Variants in CFAP58 observed in about 807,000 individuals in gnomAD.
CFAP58 encodes cilia- and flagella-associated protein 58.
A neutral mutation model predicts 119.5 loss-of-function variants in CFAP58; 88 were observed. The observed-to-expected ratio is 0.74, with a 90% CI of 0.62 to 0.88. The LOEUF (loss-of-function observed/expected upper bound fraction) is 0.88. Among genes scored for constraint, CFAP58 ranks in the 40% least tolerant of loss-of-function variants. CFAP58 has a pLI of 0.00. For synonymous variants in CFAP58, 365 were observed against 366.3 expected, an observed-to-expected ratio of 1.00 and a Z score of 0.04; for missense variants, 990 against 1,021.2, an observed-to-expected ratio of 0.97 and a Z score of 0.42.
chr10:104,388,298 G>T (rs184319347), intron 9 of CFAP58, among the ~76,000 whole-genome samples: 1 of 152,234 alleles, frequency 6.6e-6, no homozygotes, highest in Non-Finnish European at 1.5e-5. Flanking sequence ...TAATTTGTTA[G>T]CATTTATTAA....
chr10:104,365,961 A>G lies in CFAP58; in HGVS notation c.745A>G (p.Ser249Gly), dbSNP rs755470377. 6.2e-7 allele frequency: 1 copy of G among 1,608,510 alleles called. No homozygotes were observed. Among genetic ancestry groups the G allele is most frequent in the Non-Finnish European group, 8.5e-7 (1 of 1,177,242 alleles). ...IKALQQYVQK[S>G]KEELQKLEQQ... is the part of the protein sequence containing the mutation. ...AGCCCTGCAGCAGTATGTGCAGAAG[A>G]GCAAGGAGGAGCTTCAGAAGCTGGA... The change falls in exon 5 of 18, where the codon AGC becomes GGC. Residue 249 changes from serine to glycine, a missense_variant. Transcript: ENST00000369704.
the CFAP58 span, among the ~76,000 whole-genome samples, chr10:104,346,523 A>AT: frequency 1.8e-3 from 269 of 150,070 alleles, no homozygotes; most frequent in South Asian, 4.2e-3. Context: ...CATTAAAAAA[A>AT]TTTTTTTTTG....
At position 104,366,462 on chromosome 10, in the gene CFAP58, C is replaced by G. The variant is rs184428768; in HGVS notation, c.792+454C>G. 4.6e-5 allele frequency among the ~76,000 whole-genome samples: 7 copies of G among 152,236 alleles called. No homozygotes were observed. In the East Asian group the frequency reaches 1.4e-3, roughly 29 times the overall value. On this transcript the variant is annotated intron_variant, in intron 5 of 17. Transcript: ENST00000369704. ...CTAAGCAGAGTTTGGTTTCGCCTGT[C>G]TTTATACTTTACAGAAATAAAATAT...
At chr10:104,353,800 G>A, upstream of CFAP58, 1 of 1,462,492 alleles carries the variant, frequency 6.8e-7, no homozygotes, top group Non-Finnish European at 9.4e-7. Flanking sequence ...GCGGGCGATA[G>A]AGACAGCGCG....
In CFAP58 at chr10:104,450,005, G is replaced by A; in HGVS notation, c.2377-66G>A. The A allele has an allele frequency of 2.7e-6, 4 of 1,497,150 alleles. No homozygotes were observed. In the South Asian group the frequency reaches 5.1e-5, roughly 19 times the overall value. The allele number at this position is 1,497,150 out of a possible 1,614,324, so 92.7% of individuals were successfully genotyped here. On this transcript the variant is annotated intron_variant, in intron 16 of 17. Transcript: ENST00000369704. ...AGCTCCACTGCGGTAAATGGTAGCAGATTAAAAGATTTCTCAGAAAAGGAT... is the reference window on the plus strand; with the variant it reads ...AGCTCCACTGCGGTAAATGGTAGCAAATTAAAAGATTTCTCAGAAAAGGAT...
At chr10:104,416,161 T>C (rs1220133336) in intron 15 of CFAP58, among the ~76,000 whole-genome samples, 2 of 152,192 alleles carry the variant, frequency 1.3e-5, no homozygotes, top group African/African-American at 4.8e-5. Flanking sequence ...TTTCCCTTCA[T>C]GTGTGGAAGT....
At chr10:104,383,660 T>C (rs76336350) in intron 9 of CFAP58, among the ~76,000 whole-genome samples, 7,195 of 152,282 alleles carry the variant, frequency 0.047, 197 homozygotes, top group South Asian at 0.074. Flanking sequence ...ACAGCATGTA[T>C]CAGTTGCTAC....
chr10:104,344,387 G>A, the CFAP58 span, among the ~76,000 whole-genome samples: 55 of 152,286 alleles, frequency 3.6e-4, 1 homozygote, highest in East Asian at 9.4e-3. Flanking sequence ...ATGGCTGTCA[G>A]GCCCAATCCA....
chr10:104,432,208 A>G (rs2012859959), intron 15 of CFAP58, among the ~76,000 whole-genome samples: 1 of 152,258 alleles, frequency 6.6e-6, no homozygotes, highest in Admixed American at 6.5e-5. Flanking sequence ...AAGAAAAAAA[A>G]TAGGAATAAC....
chr10:104,420,355 T>A (rs2012635630), intron 15 of CFAP58, among the ~76,000 whole-genome samples: 4 of 152,200 alleles, frequency 2.6e-5, no homozygotes, highest in South Asian at 2.1e-4. Flanking sequence ...TAAGCTCGAT[T>A]AGGCAGATAG....
chr10:104,368,384 G>C, intron 5 of CFAP58, 39 bp from the exon 6 acceptor site: 6 of 1,608,046 alleles, frequency 3.7e-6, no homozygotes, highest in Non-Finnish European at 5.1e-6. Context: ...ATTGTAATCA[G>C]ATTAAAAAGC....
chr10:104,417,011 G>C (rs1052239254), intron 15 of CFAP58, among the ~76,000 whole-genome samples: 2 of 152,208 alleles, frequency 1.3e-5, no homozygotes, highest in African/African-American at 4.8e-5. Flanking sequence ...GCATCTCTGA[G>C]AGCTCTTTAG....
intron 15 of CFAP58, among the ~76,000 whole-genome samples, chr10:104,407,897 A>G (rs766996951): frequency 3.3e-5 from 5 of 152,142 alleles, no homozygotes; most frequent in Non-Finnish European, 7.4e-5. Context: ...GGGTTTCACC[A>G]TGTTGGCCAG....
chr10:104,419,719 TAGAC>T (rs1382058304), intron 15 of CFAP58, among the ~76,000 whole-genome samples: 1 of 152,236 alleles, frequency 6.6e-6, no homozygotes, highest in Non-Finnish European at 1.5e-5. Flanking sequence ...GTTGCTTTGT[TAGAC>T]AGGGATAATC....
At chr10:104,357,868 CACATATATGT>C (rs1363282896) in intron 1 of CFAP58, among the ~76,000 whole-genome samples, 2 of 115,278 alleles carry the variant, frequency 1.7e-5, no homozygotes, top group East Asian at 2.2e-4. Context: ...CACATATATA[CACATATATGT>C]ACACATATAT....
At chr10:104,422,635 A>G (rs1458241153) in intron 15 of CFAP58, among the ~76,000 whole-genome samples, 1 of 152,202 alleles carries the variant, frequency 6.6e-6, no homozygotes, top group Non-Finnish European at 1.5e-5. Context: ...TGGTGCTGGC[A>G]GTTGGCGAGA....
Position 104,400,697 on chromosome 10 carries a change from T to G in CFAP58, c.1833T>G (p.Asp611Glu). The change falls in exon 13 of 18, where the codon GAT (aspartate) becomes GAG (glutamate). Residue 611 changes from aspartate (D) to glutamate (E), a missense_variant. Physicochemically the swap from Asp to Glu is conservative, Grantham distance 45. Transcript: ENST00000369704. ...CTTCCTAGGTCATCAGTGAGAGAGA[T>G]ATCCTGGGGTCTCAGCTTGTTCGGC... Reference protein sequence around the residue: ...KELDQVISERDILGSQLVRRN... With the variant: ...KELDQVISEREILGSQLVRRN... 13 of 1,613,946 alleles carry G rather than the reference T, an allele frequency of 8.1e-6. No individual in the cohort carries two copies. Among genetic ancestry groups the G allele is most frequent in the Non-Finnish European group, 1.1e-5 (13 of 1,180,006 alleles).
At chr10:104,401,804 CAGTACAAATTCATTGT>C (rs535750767) in intron 13 of CFAP58, among the ~76,000 whole-genome samples, 127 of 151,444 alleles carry the variant, frequency 8.4e-4, no homozygotes, top group African/African-American at 3.0e-3. Flanking sequence ...ATGACGAAAG[CAGTACAAATTCATTGT>C]AGAAAATGTG....
chr10:104,418,103 G>A (rs898851174), intron 15 of CFAP58, among the ~76,000 whole-genome samples: 1 of 152,238 alleles, frequency 6.6e-6, no homozygotes, highest in East Asian at 1.9e-4. Context: ...TTGGCACACA[G>A]CCAGGCTCAT....
Sources: gnomAD v4.1 joint callset for allele counts (sites outside exome capture counted in the v4.1 genomes callset) on GRCh38, gnomAD v4.1.1 for gene constraint, MANE v1.5 for transcripts, NCBI Gene and HGNC (gene_info 2026-07-23, HGNC 2026-07-21) for gene names.